The following KIF13B variants were observed in gnomAD, a reference collection of about 807,000 sequenced individuals.
KIF13B encodes kinesin family member 13B.
KIF13B carries 127 observed loss-of-function variants against 222.0 expected under a neutral mutation model. That is an observed-to-expected ratio of 0.57 (90% confidence interval 0.50 to 0.66). The LOEUF (loss-of-function observed/expected upper bound fraction) is 0.66. Ranked by LOEUF, KIF13B falls within the 30% of genes least tolerant of loss-of-function variation. The pLI is 0.00. For missense variants in KIF13B, 2,173 were observed against 2,379.0 expected (o/e 0.91, Z 1.80); for synonymous variants, 976 against 919.0 (o/e 1.06, Z -1.12).
At chr8:29,116,288 C>T (rs1161281323) in intron 31 of KIF13B, among the ~76,000 whole-genome samples, 3 of 152,150 alleles carry the variant, frequency 2.0e-5, no homozygotes, top group Admixed American at 6.5e-5. Flanking sequence ...GGCAGCATGG[C>T]GAGACCCCGT....
Position 29,167,636 on chromosome 8 carries a change from G to A in KIF13B, c.946-51C>T, listed in dbSNP as rs186476235. On this transcript the variant is annotated intron_variant, in intron 10 of 39. Coordinates refer to ENST00000524189, the MANE Select transcript of KIF13B (RefSeq NM_015254.4). Reference sequence around the variant, plus strand: ...TAGCATATTAAAGTTGGAAGAAGACGTCATATGAGAAACCTGAAATCAAAA... The same window carrying A: ...TAGCATATTAAAGTTGGAAGAAGACATCATATGAGAAACCTGAAATCAAAA... 152 of 1,432,230 alleles carry A rather than the reference G, an allele frequency of 1.1e-4. No individual in the cohort carries two copies. In the Middle Eastern group the frequency reaches 1.6e-3, roughly 15 times the overall value. 88.7% of individuals were successfully genotyped at this position (1,432,230 alleles called of 1,614,324 possible).
chr8:29,231,908 G>T (rs376022886), intron 2 of KIF13B, among the ~76,000 whole-genome samples: 9 of 152,178 alleles, frequency 5.9e-5, no homozygotes, highest in African/African-American at 2.2e-4. Flanking sequence ...GAACCTGTAA[G>T]ATTCCAGCTA....
In KIF13B at chr8:29,213,891, T is replaced by C. The variant is rs894864109; in HGVS notation, c.150-17692A>G. Among the ~76,000 whole-genome samples, 4 of 151,698 alleles carry C rather than the reference T, an allele frequency of 2.6e-5. 1 individual carries two copies. The highest frequency in any genetic ancestry group is 3.4e-3 in the Middle Eastern group (1 of 292). ...ACAGTTTGAATGCGGCAGGCGGAGG[T>C]TGCAGTGAGCCGAGATTGAGCCACA... On this transcript the variant is annotated intron_variant, in intron 2 of 39. Transcript: ENST00000524189.
intron 1 of KIF13B, among the ~76,000 whole-genome samples, chr8:29,255,921 T>G (rs1194329535): frequency 2.6e-5 from 4 of 152,130 alleles, no homozygotes. Context: ...TTGCTCTTCT[T>G]GGCCTCTGTG....
chr8:29,169,996 G>A (rs1812167856), intron 10 of KIF13B, among the ~76,000 whole-genome samples: 1 of 152,182 alleles, frequency 6.6e-6, no homozygotes, highest in Non-Finnish European at 1.5e-5. Context: ...AGGAAACCTG[G>A]CAAACAACAA....
chr8:29,195,013 C>T lies in KIF13B; in HGVS notation c.162+1174G>A, dbSNP rs549548512. ...CTGTAATCCCAGCACTTTGGGAGGC[C>T]GAGGTGGGTGCATCATTTGAGGACA... On this transcript the variant is annotated intron_variant, in intron 3 of 39. Transcript: ENST00000524189. Among the ~76,000 whole-genome samples, 89 of 152,136 alleles carry T rather than the reference C, an allele frequency of 5.9e-4. 2 individuals are homozygous for T. The South Asian group carries it at 0.011, about 19-fold the overall frequency.
At chr8:29,168,858 A>C (rs1249173706) in intron 10 of KIF13B, among the ~76,000 whole-genome samples, 1 of 152,232 alleles carries the variant, frequency 6.6e-6, no homozygotes, top group Non-Finnish European at 1.5e-5. Context: ...ACTTGTTTGC[A>C]GCTGTTCCTC....
At chr8:29,125,514 T>C (rs147413529) in intron 26 of KIF13B, among the ~76,000 whole-genome samples, 5 of 152,336 alleles carry the variant, frequency 3.3e-5, no homozygotes, top group Admixed American at 6.5e-5. Flanking sequence ...AAAGTCTCTA[T>C]TGTTGTGCCA....
At chr8:29,145,139 T>A (rs1252824119) in intron 18 of KIF13B, among the ~76,000 whole-genome samples, 1 of 152,244 alleles carries the variant, frequency 6.6e-6, no homozygotes, top group African/African-American at 2.4e-5. Context: ...GTACCCAGAC[T>A]TTGCCCTACA....
In KIF13B at chr8:29,116,839, C is replaced by T. The variant is rs371595587; in HGVS notation, c.3829G>A (p.Gly1277Ser). ...TTCCACTGAAGACTAACCTGGCGGCCGTGAACATTGACACAGATTCTCTTG... is the reference window on the plus strand; with the variant it reads ...TTCCACTGAAGACTAACCTGGCGGCTGTGAACATTGACACAGATTCTCTTG... ...LRKRICVNVH[G>S]RQGFAQSLLK... The change falls in exon 31 of 40, where the codon GGC (glycine) becomes AGC (serine). Residue 1277 changes from glycine to serine, a missense_variant. Gly to Ser is a moderately conservative substitution (Grantham distance 56). This residue lies in a region of KIF13B where 1,480 missense variants were observed against 1,722.8 expected (regional missense o/e 0.86). Transcript: ENST00000524189. The T allele has an allele frequency of 2.9e-5, 47 of 1,605,892 alleles. No individual in the cohort carries two copies. The highest frequency in any genetic ancestry group is 3.7e-5 in the Non-Finnish European group (43 of 1,174,210).
At chr8:29,174,148 T>C (rs2171484) in intron 10 of KIF13B, among the ~76,000 whole-genome samples, 18,117 of 152,188 alleles carry the variant, frequency 0.12, 1,225 homozygotes, top group South Asian at 0.15. Context: ...AGCAAATTTT[T>C]TTATATACAA....
At chr8:29,191,292 C>A (rs1202534276) in intron 3 of KIF13B, among the ~76,000 whole-genome samples, 1 of 152,196 alleles carries the variant, frequency 6.6e-6, no homozygotes, top group Non-Finnish European at 1.5e-5. Context: ...TGCACACACA[C>A]ATGCACCTAC....
chr8:29,070,864 A>AC lies in KIF13B; in HGVS notation c.5219-99dup, dbSNP rs1239736455. ...GCAGAGGCCATGTGCCCACACTGCC[A>AC]CCCCCCCGCACAGGCCCTACACAGC... is the stretch of plus-strand genomic sequence containing the variant. On this transcript the variant is annotated intron_variant, in intron 39 of 39. Transcript: ENST00000524189. The surrounding 1 kb of genome is among the most constrained non-coding windows in gnomAD (Gnocchi z 4.1). 1.0e-4 allele frequency: 131 copies of AC among 1,288,216 alleles called. No individual in the cohort carries two copies. The highest frequency in any genetic ancestry group is 3.4e-4 in the South Asian group (26 of 75,478). The allele number at this position is 1,288,216 out of a possible 1,614,324, so 79.8% of individuals were successfully genotyped here.
In KIF13B at chr8:29,186,635, A is replaced by G. The variant is rs552014057; in HGVS notation, c.317-163T>C. On this transcript the variant is annotated intron_variant, in intron 5 of 39. Transcript: ENST00000524189. ...AAGTACAGAAGCTTTTTTACTGCAC[A>G]TGTGAAAGTGAAAAGCAAATGTCCT... is the stretch of plus-strand genomic sequence containing the variant. Among the ~76,000 whole-genome samples the G allele has an allele frequency of 5.9e-5, 9 of 152,322 alleles. No individual in the cohort carries two copies. The South Asian group carries it at 1.9e-3, about 32-fold the overall frequency.
intron 34 of KIF13B, among the ~76,000 whole-genome samples, 154 bp from the exon 35 acceptor site, chr8:29,108,346 T>C (rs1302715602): frequency 1.3e-5 from 2 of 152,226 alleles, no homozygotes; most frequent in Non-Finnish European, 2.9e-5. Context: ...TAGTGGTCTT[T>C]GGGACATTAC....
intron 1 of KIF13B, among the ~76,000 whole-genome samples, chr8:29,255,759 C>A (rs535556716): frequency 4.0e-4 from 61 of 152,310 alleles, no homozygotes; most frequent in African/African-American, 1.4e-3. Flanking sequence ...AAAATGAACA[C>A]TGACCATCAT....
chr8:29,132,257 A>C lies in KIF13B; in HGVS notation c.2942+51T>G, dbSNP rs558362072. On this transcript the variant is annotated intron_variant, in intron 23 of 39. Transcript: ENST00000524189. The stretch of plus-strand genomic sequence containing the variant: ...TGAATGAGACTGTCTCAAAAAACAA[A>C]AAAAAAATTACATATATATAAATGG... The C allele has an allele frequency of 3.3e-4, 447 of 1,344,440 alleles. 4 individuals are homozygous for C. The South Asian group carries it at 6.7e-3, about 20-fold the overall frequency. 83.3% of individuals were successfully genotyped at this position (1,344,440 alleles called of 1,614,324 possible).
intron 37 of KIF13B, among the ~76,000 whole-genome samples, chr8:29,080,495 G>A (rs576108676): frequency 4.6e-5 from 7 of 152,354 alleles, no homozygotes; most frequent in Non-Finnish European, 8.8e-5. Flanking sequence ...CCTGAAGCCT[G>A]TGAACCAGCC....
chr8:29,087,069 C>A (rs965740173), intron 37 of KIF13B, among the ~76,000 whole-genome samples: 2 of 152,224 alleles, frequency 1.3e-5, no homozygotes, highest in Non-Finnish European at 2.9e-5. Context: ...TCATCAACAT[C>A]CACTCTGCTT....
Sources: gnomAD v4.1 joint callset for allele counts (sites outside exome capture counted in the v4.1 genomes callset) on GRCh38, gnomAD v4.1.1 for gene constraint, gnomAD v4.1.1 regional missense constraint, Gnocchi (gnomAD v3.1) non-coding constraint, MANE v1.5 for transcripts, NCBI Gene and HGNC (gene_info 2026-07-23, HGNC 2026-07-21) for gene names.